Variants in TSHZ2 observed in about 807,000 individuals in gnomAD.
TSHZ2 encodes teashirt homolog 2.
A neutral mutation model predicts 74.4 loss-of-function variants in TSHZ2; 21 were observed. The ratio of observed to expected loss-of-function variants is 0.28; its 90% CI spans 0.20 to 0.41. TSHZ2 has a LOEUF of 0.41. Among genes scored for constraint, TSHZ2 ranks in the 10% least tolerant of loss-of-function variants. The pLI, the probability that TSHZ2 is intolerant of heterozygous loss-of-function variation, is 1.00. For synonymous variants in TSHZ2, 540 were observed against 515.3 expected (o/e 1.05, Z -0.65); for missense variants, 1,244 against 1,293.5 (o/e 0.96, Z 0.59).
chr20:53,319,674 G>A (rs933293314), intron 2 of TSHZ2, among the ~76,000 whole-genome samples: 3 of 152,264 alleles, frequency 2.0e-5, no homozygotes, highest in East Asian at 3.8e-4. Context: ...CGGATCTCAT[G>A]TGGGCTCTGT....
At chr20:53,210,570 T>C (rs1989279752) in intron 1 of TSHZ2, among the ~76,000 whole-genome samples, 1 of 152,022 alleles carries the variant, frequency 6.6e-6, no homozygotes, top group African/African-American at 2.4e-5. Flanking sequence ...TCCATCTGCT[T>C]GTCTCCTTGT....
chr20:53,046,587 T>C (rs1387845780), intron 1 of TSHZ2, among the ~76,000 whole-genome samples: 1 of 151,986 alleles, frequency 6.6e-6, no homozygotes, highest in Admixed American at 6.6e-5. Context: ...ATTCAGGAAA[T>C]CCTCTTCATA....
chr20:53,353,172 G>A (rs1056858260), intron 2 of TSHZ2, among the ~76,000 whole-genome samples: 2 of 152,144 alleles, frequency 1.3e-5, no homozygotes, highest in Non-Finnish European at 2.9e-5. Flanking sequence ...AGTTAAGGAG[G>A]GGTTTAAGGT....
At chr20:53,366,587 C>T (rs1433811417) in intron 2 of TSHZ2, among the ~76,000 whole-genome samples, 1 of 152,142 alleles carries the variant, frequency 6.6e-6, no homozygotes, top group Admixed American at 6.5e-5. Context: ...TCGCCCAACG[C>T]AGAGTGCAAG....
intron 2 of TSHZ2, among the ~76,000 whole-genome samples, chr20:53,377,197 C>T (rs1600591042): frequency 6.6e-6 from 1 of 152,214 alleles, no homozygotes; most frequent in Non-Finnish European, 1.5e-5. Flanking sequence ...CTTTCAAGAA[C>T]CTTACACTTG....
intron 2 of TSHZ2, among the ~76,000 whole-genome samples, chr20:53,409,834 C>CTTTTTTTTTTTTTTTTTTT (rs71194475): frequency 4.1e-5 from 2 of 49,358 alleles, no homozygotes; most frequent in African/African-American, 8.6e-5. Context: ...GTTTTCTTTT[C>CTTTTTTTTTTTTTTTTTTT]TTTTTTTTTT....
chr20:53,081,594 C>T (rs1297643175), intron 1 of TSHZ2, among the ~76,000 whole-genome samples: 1 of 152,212 alleles, frequency 6.6e-6, no homozygotes, highest in Non-Finnish European at 1.5e-5. Flanking sequence ...TTCCAGGTAA[C>T]ACTCCTCCCA....
At chr20:53,309,038 G>A (rs1480101488) in intron 2 of TSHZ2, among the ~76,000 whole-genome samples, 1 of 152,192 alleles carries the variant, frequency 6.6e-6, no homozygotes, top group Non-Finnish European at 1.5e-5. Flanking sequence ...GGAGGACCAA[G>A]GTTTGTTCGC....
At chr20:53,068,582 G>A (rs1185338360) in intron 1 of TSHZ2, among the ~76,000 whole-genome samples, 2 of 152,080 alleles carry the variant, frequency 1.3e-5, no homozygotes, top group Non-Finnish European at 1.5e-5. Context: ...ACCACACTTG[G>A]CAATCAAGAA....
chr20:53,319,192 T>C (rs1292273967), intron 2 of TSHZ2, among the ~76,000 whole-genome samples: 2 of 152,242 alleles, frequency 1.3e-5, no homozygotes, highest in East Asian at 3.8e-4. Context: ...CTAATATTTA[T>C]TGATCACCTG....
chr20:53,190,897 T>A (rs185413349), intron 1 of TSHZ2, among the ~76,000 whole-genome samples: 17 of 152,278 alleles, frequency 1.1e-4, no homozygotes, highest in Non-Finnish European at 1.0e-4. Context: ...TTTCCATGGG[T>A]GTAGCAGGGG....
At chr20:53,314,287 C>CAAAAAAAAAAAAAAAAAAAAAAA (rs5841941) in intron 2 of TSHZ2, among the ~76,000 whole-genome samples, 2 of 131,708 alleles carry the variant, frequency 1.5e-5, no homozygotes, top group Admixed American at 7.7e-5. Context: ...GACTCTGTCT[C>CAAAAAAAAAAAAAAAAAAAAAAA]AAAAAAAAAA....
chr20:53,205,100 A>G (rs1989134070), intron 1 of TSHZ2, among the ~76,000 whole-genome samples: 1 of 151,966 alleles, frequency 6.6e-6, no homozygotes, highest in African/African-American at 2.4e-5. Flanking sequence ...CAAAAAAAAA[A>G]AAAAAACCTA....
rs79638918 is a variant in TSHZ2 at position 53,439,744 on chromosome 20, G to C, written c.*9-47400G>C. 7.8e-3 allele frequency among the ~76,000 whole-genome samples: 1,181 copies of C among 152,260 alleles called. 4 individuals are homozygous for C. Among genetic ancestry groups the C allele is most frequent in the South Asian group, 0.037 (179 of 4,820 alleles). Reference sequence around the variant, plus strand: ...TAATTCCAAGAAGACTTTGCAGTTGGGTGTTTCCACCCCCCTTGTTTTCAA... The same window carrying C: ...TAATTCCAAGAAGACTTTGCAGTTGCGTGTTTCCACCCCCCTTGTTTTCAA... On this transcript the variant is annotated intron_variant, in intron 2 of 2. Coordinates refer to ENST00000371497, the MANE Select transcript of TSHZ2 (RefSeq NM_173485.6).
At chr20:53,227,573 A>T (rs1989714320) in intron 1 of TSHZ2, among the ~76,000 whole-genome samples, 1 of 151,948 alleles carries the variant, frequency 6.6e-6, no homozygotes. Flanking sequence ...ATTGTTTCTT[A>T]TCTGCAGTTT....
intron 2 of TSHZ2, among the ~76,000 whole-genome samples, chr20:53,362,083 C>T (rs971451940): frequency 6.6e-6 from 1 of 152,054 alleles, no homozygotes; most frequent in East Asian, 1.9e-4. Flanking sequence ...AGGCTGGTCT[C>T]GAACTCCCAA....
intron 2 of TSHZ2, among the ~76,000 whole-genome samples, chr20:53,333,753 G>T (rs1007753334): frequency 6.6e-6 from 1 of 152,184 alleles, no homozygotes; most frequent in Non-Finnish European, 1.5e-5. Flanking sequence ...ACTGCGCCCG[G>T]CCTGCCAAGC....
At chr20:53,194,258 A>C (rs1988806312) in intron 1 of TSHZ2, among the ~76,000 whole-genome samples, 1 of 152,168 alleles carries the variant, frequency 6.6e-6, no homozygotes, top group Non-Finnish European at 1.5e-5. Flanking sequence ...ACTGGTAATG[A>C]CCTTCATGAA....
chr20:53,115,017 A>T (rs1986632904), intron 1 of TSHZ2, among the ~76,000 whole-genome samples: 1 of 152,060 alleles, frequency 6.6e-6, no homozygotes, highest in Non-Finnish European at 1.5e-5. Context: ...ACTGAGATGG[A>T]TGAAGTGTCC....
Sources: gnomAD v4.1 joint callset for allele counts (sites outside exome capture counted in the v4.1 genomes callset) on GRCh38, gnomAD v4.1.1 for gene constraint, MANE v1.5 for transcripts, NCBI Gene and HGNC (gene_info 2026-07-23, HGNC 2026-07-21) for gene names.